GRAMD1B: variants seen among roughly 807,000 people sequenced by gnomAD.
GRAMD1B encodes GRAM domain containing 1B.
GRAMD1B carries 37 observed loss-of-function variants against 99.7 expected under a neutral mutation model. That is an observed-to-expected ratio of 0.37 (90% CI 0.29 to 0.49). The LOEUF (loss-of-function observed/expected upper bound fraction) is 0.49, where lower values mean the gene tolerates loss of function less well. Ranked by LOEUF, GRAMD1B falls within the 20% of genes least tolerant of loss-of-function variation. The pLI is 0.98. For missense variants in GRAMD1B, 888 were observed against 1,009.2 expected (o/e 0.88, Z 1.63); for synonymous variants, 427 against 387.6 (o/e 1.10, Z -1.19).
intron 19 of GRAMD1B, among the ~76,000 whole-genome samples, chr11:123,619,890 G>T (rs886323361): frequency 6.6e-6 from 1 of 152,164 alleles, no homozygotes; most frequent in Non-Finnish European, 1.5e-5. Context: ...TGCCTTTGCT[G>T]TGCAAGAGAA....
chr11:123,519,189 G>T (rs1591794536), intron 2 of GRAMD1B, among the ~76,000 whole-genome samples: 1 of 152,182 alleles, frequency 6.6e-6, no homozygotes, highest in South Asian at 2.1e-4. Flanking sequence ...CTCCAAGCTG[G>T]GAGCTGACAT....
intron 2 of GRAMD1B, chr11:123,525,800 C>A (rs1942659336): frequency 3.3e-6 from 1 of 307,340 alleles, no homozygotes. Flanking sequence ...CTGTTGACGG[C>A]AACTCCAGGG....
chr11:123,406,376 C>T (rs1213733551), intron 1 of GRAMD1B, among the ~76,000 whole-genome samples: 2 of 152,160 alleles, frequency 1.3e-5, no homozygotes, highest in African/African-American at 4.8e-5. Context: ...GCCTCAGCCT[C>T]CCGAGTAGCT....
chr11:123,583,271 G>C (rs887690021), intron 3 of GRAMD1B, among the ~76,000 whole-genome samples: 2 of 148,818 alleles, frequency 1.3e-5, no homozygotes, highest in Non-Finnish European at 3.0e-5. Flanking sequence ...ATGCGCATGT[G>C]TGTGTGCATG....
chr11:123,430,248 A>G (rs1394659815), upstream of GRAMD1B: 1 of 92,942 alleles, frequency 1.1e-5, no homozygotes, highest in Non-Finnish European at 2.2e-5. Context: ...GTTTTTATCC[A>G]GTGTCTCGCT....
intron 3 of GRAMD1B, among the ~76,000 whole-genome samples, chr11:123,579,800 A>T (rs909504280): frequency 1.3e-5 from 2 of 152,180 alleles, no homozygotes; most frequent in African/African-American, 4.8e-5. Context: ...AGGATAAATC[A>T]TTTGAGTGGG....
intron 2 of GRAMD1B, among the ~76,000 whole-genome samples, chr11:123,551,229 T>G (rs1389442431): frequency 6.6e-6 from 1 of 152,188 alleles, no homozygotes; most frequent in Non-Finnish European, 1.5e-5. Flanking sequence ...CGGTCTGTCC[T>G]CAGGGAGGGG....
chr11:123,485,122 C>T (rs922657151), intron 2 of GRAMD1B, among the ~76,000 whole-genome samples: 7 of 152,158 alleles, frequency 4.6e-5, no homozygotes, highest in Admixed American at 4.6e-4. Context: ...TGACTGAAAA[C>T]GGTCAAGGAT....
At chr11:123,548,719 C>G (rs74942521) in intron 2 of GRAMD1B, among the ~76,000 whole-genome samples, 1,754 of 152,200 alleles carry the variant, frequency 0.012, 38 homozygotes, top group African/African-American at 0.038. Flanking sequence ...GTGATCCTCC[C>G]GACTCTGCCT....
intron 17 of GRAMD1B, among the ~76,000 whole-genome samples, chr11:123,615,149 G>A (rs895613922): frequency 6.6e-6 from 1 of 152,180 alleles, no homozygotes; most frequent in South Asian, 2.1e-4. Flanking sequence ...CTGCACAGAT[G>A]GTTAAATGCT....
chr11:123,512,518 G>A (rs534014467), intron 2 of GRAMD1B, among the ~76,000 whole-genome samples: 1 of 152,204 alleles, frequency 6.6e-6, no homozygotes, highest in South Asian at 2.1e-4. Flanking sequence ...TATAGCATCA[G>A]ATGTTAGAGA....
chr11:123,617,955 A>G (rs1954659015), intron 17 of GRAMD1B, among the ~76,000 whole-genome samples: 1 of 152,052 alleles, frequency 6.6e-6, no homozygotes, highest in African/African-American at 2.4e-5. Flanking sequence ...TGTCTGCATG[A>G]TCCCTGCCAG....
intron 2 of GRAMD1B, among the ~76,000 whole-genome samples, chr11:123,533,851 C>T (rs1943668082): frequency 6.6e-6 from 1 of 152,242 alleles, no homozygotes; most frequent in Admixed American, 6.5e-5. Flanking sequence ...CAAGGTCACA[C>T]AGCTCAAAAG....
At chr11:123,453,825 G>A (rs1949995657) in intron 1 of GRAMD1B, among the ~76,000 whole-genome samples, 1 of 152,204 alleles carries the variant, frequency 6.6e-6, no homozygotes, top group South Asian at 2.1e-4. Context: ...GGAGGACAAA[G>A]TAAACCCAAA....
In GRAMD1B at chr11:123,589,614, T is replaced by TTATACATATATATATATA. The variant is rs1555089175; in HGVS notation, c.685-4464_685-4463insCATATATATATATATATA. Among the ~76,000 whole-genome samples the TTATACATATATATATATA allele has an allele frequency of 1.7e-4, 22 of 128,262 alleles. 1 individual carries two copies. Among genetic ancestry groups the TTATACATATATATATATA allele is most frequent in the African/African-American group, 7.4e-4 (21 of 28,536 alleles). The allele number at this position is 128,262 out of a possible 152,430, so 84.1% of individuals were successfully genotyped here. A position where few individuals can be genotyped will look rare whatever the true frequency, so the allele number is the denominator to read the frequency against. On this transcript the variant is annotated intron_variant, in intron 4 of 19. Transcript: ENST00000635736. Reference sequence around the variant, plus strand: ...ACCTGCCACCATGTGTGGCTAATTTTTATATATATATATATATATATATTT... The same window carrying TTATACATATATATATATA: ...ACCTGCCACCATGTGTGGCTAATTTTTATACATATATATATATATATATATATATATATATATATATTT...
intron 1 of GRAMD1B, among the ~76,000 whole-genome samples, chr11:123,417,465 A>G (rs922545046): frequency 1.3e-5 from 2 of 152,210 alleles, no homozygotes; most frequent in African/African-American, 4.8e-5. Context: ...TTATCAAATC[A>G]GGTACTAACT....
In GRAMD1B at chr11:123,430,533, C is replaced by T. The variant is rs1165993500; in HGVS notation, c.-260C>T. ...GGGCTGCCGAGTGGCTGGCAGGCGG[C>T]TCCCGCCCCTCCCGGGTGGCCTCGC... On this transcript the variant is annotated 5_prime_UTR_variant, in exon 1 of 20. Transcript: ENST00000635736. 9.0e-6 allele frequency: 4 copies of T among 444,120 alleles called. No individual in the cohort carries two copies. The highest frequency in any genetic ancestry group is 4.4e-5 in the Admixed American group (1 of 22,564). 27.5% of individuals were successfully genotyped at this position (444,120 alleles called of 1,614,324 possible).
chr11:123,392,597 G>A (rs1947320161), intron 1 of GRAMD1B, among the ~76,000 whole-genome samples: 1 of 151,902 alleles, frequency 6.6e-6, no homozygotes, highest in Admixed American at 6.6e-5. Flanking sequence ...AGGAAAATGG[G>A]ATTCTCTCCT....
intron 12 of GRAMD1B, among the ~76,000 whole-genome samples, chr11:123,609,277 C>G (rs1953198982): frequency 1.3e-5 from 2 of 152,176 alleles, no homozygotes; most frequent in South Asian, 4.1e-4. Flanking sequence ...GGCCTCACAT[C>G]TAGGATCTGG....
Sources: allele counts gnomAD v4.1 joint callset (sites outside exome capture counted in the v4.1 genomes callset), GRCh38; gene constraint gnomAD v4.1.1; transcripts MANE v1.5; gene names NCBI Gene and HGNC (gene_info 2026-07-23, HGNC 2026-07-21).